CLSTN2: variants seen among roughly 807,000 people sequenced by gnomAD.
CLSTN2 encodes the protein calsyntenin 2, also known as calsyntenin-2.
CLSTN2 carries 48 observed loss-of-function variants against 101.2 expected under a neutral mutation model. The observed-to-expected ratio is 0.47, with a 90% CI of 0.38 to 0.60. CLSTN2 has a LOEUF of 0.60. Among genes scored for constraint, CLSTN2 ranks in the 20% least tolerant of loss-of-function variants. CLSTN2 has a pLI of 0.00. For missense variants in CLSTN2, 1,160 were observed against 1,238.2 expected (o/e 0.94, Z 0.95); for synonymous variants, 481 against 463.6 (o/e 1.04, Z -0.48).
intron 8 of CLSTN2, among the ~76,000 whole-genome samples, chr3:140,509,788 C>G (rs1409144969): frequency 2.0e-5 from 3 of 152,182 alleles, no homozygotes; most frequent in African/African-American, 7.2e-5. Context: ...ACACCGTCAG[C>G]TCTACCTCTG....
intron 2 of CLSTN2, among the ~76,000 whole-genome samples, chr3:140,306,201 T>C (rs1378955627): frequency 6.6e-6 from 1 of 152,184 alleles, no homozygotes; most frequent in Non-Finnish European, 1.5e-5. Flanking sequence ...CCACAGGCCT[T>C]CCACTGTGTT....
chr3:139,954,215 C>T (rs1280875060), intron 1 of CLSTN2, among the ~76,000 whole-genome samples: 1 of 152,172 alleles, frequency 6.6e-6, no homozygotes, highest in Non-Finnish European at 1.5e-5. Flanking sequence ...TCTACCTATA[C>T]AGTAAATCTA....
intron 1 of CLSTN2, among the ~76,000 whole-genome samples, chr3:140,031,683 T>C (rs1033402751): frequency 2.6e-5 from 4 of 152,156 alleles, no homozygotes. Context: ...ACAAGGATAG[T>C]GTATGTGAGT....
At chr3:139,971,050 A>G (rs935301903) in intron 1 of CLSTN2, among the ~76,000 whole-genome samples, 4 of 152,248 alleles carry the variant, frequency 2.6e-5, no homozygotes, top group African/African-American at 9.6e-5. Context: ...AGAATTATCA[A>G]ACTTTCTTCT....
chr3:140,306,367 C>T (rs947322847), intron 2 of CLSTN2, among the ~76,000 whole-genome samples: 5 of 152,050 alleles, frequency 3.3e-5, no homozygotes, highest in African/African-American at 1.2e-4. Context: ...TTCCTTCCCA[C>T]AGCATCGTAA....
intron 9 of CLSTN2, among the ~76,000 whole-genome samples, chr3:140,534,643 GA>G (rs1217849742): frequency 5.9e-5 from 9 of 152,318 alleles, no homozygotes; most frequent in Admixed American, 5.2e-4. Context: ...AAGAGGAAAA[GA>G]AAACATGGCA....
chr3:140,446,949 A>G (rs1933094971), intron 5 of CLSTN2, among the ~76,000 whole-genome samples: 1 of 152,130 alleles, frequency 6.6e-6, no homozygotes, highest in African/African-American at 2.4e-5. Context: ...TTTGTACTCC[A>G]AGCAGAGCCT....
chr3:140,017,103 G>A lies in CLSTN2; in HGVS notation c.109+81620G>A, dbSNP rs35838261. Among the ~76,000 whole-genome samples, 1,153 of 152,286 alleles carry A rather than the reference G, an allele frequency of 7.6e-3. 3 individuals are homozygous for A. Among genetic ancestry groups the A allele is most frequent in the Middle Eastern group, 0.024 (7 of 294 alleles). On this transcript the variant is annotated intron_variant, in intron 1 of 16. Coordinates refer to ENST00000458420, the MANE Select transcript of CLSTN2 (RefSeq NM_022131.3). ...GCTGTCTTTCAGTTACATGCCTGTGGTGTGTCCTGGTCCCATGTAGTTGTG... is the reference window on the plus strand; with the variant it reads ...GCTGTCTTTCAGTTACATGCCTGTGATGTGTCCTGGTCCCATGTAGTTGTG...
intron 1 of CLSTN2, among the ~76,000 whole-genome samples, chr3:139,954,609 G>T (rs1343650097): frequency 6.6e-6 from 1 of 152,044 alleles, no homozygotes. Flanking sequence ...CAAGTGTCTG[G>T]GGGAACATCT....
intron 1 of CLSTN2, among the ~76,000 whole-genome samples, chr3:140,094,128 G>A (rs544672532): frequency 3.9e-5 from 6 of 152,282 alleles, no homozygotes; most frequent in Middle Eastern, 3.4e-3. Context: ...TTCAACAGAC[G>A]TTAACCCTCA....
intron 1 of CLSTN2, among the ~76,000 whole-genome samples, chr3:140,163,528 G>C (rs2010085210): frequency 6.6e-6 from 1 of 151,744 alleles, no homozygotes; most frequent in South Asian, 2.1e-4. Flanking sequence ...AACCCTGACT[G>C]TTCATTCCCC....
chr3:140,192,910 A>T (rs1188350136), intron 2 of CLSTN2, among the ~76,000 whole-genome samples: 1 of 151,832 alleles, frequency 6.6e-6, no homozygotes, highest in Non-Finnish European at 1.5e-5. Context: ...TTAGAACTCT[A>T]TATTGATATA....
chr3:140,443,664 T>C (rs920992480), intron 5 of CLSTN2, among the ~76,000 whole-genome samples: 2 of 152,220 alleles, frequency 1.3e-5, no homozygotes, highest in African/African-American at 4.8e-5. Context: ...AGGCCCCTTA[T>C]AAACTGAAAA....
chr3:140,380,154 T>C (rs1006061629), intron 2 of CLSTN2, among the ~76,000 whole-genome samples: 1 of 152,238 alleles, frequency 6.6e-6, no homozygotes, highest in African/African-American at 2.4e-5. Context: ...ATCTGTAGAA[T>C]GGACCATTGA....
intron 2 of CLSTN2, among the ~76,000 whole-genome samples, chr3:140,367,577 T>C (rs2087806778): frequency 6.6e-6 from 1 of 151,916 alleles, no homozygotes; most frequent in South Asian, 2.1e-4. Context: ...ATTTGGAACT[T>C]GACTATTACA....
chr3:140,270,583 G>A (rs2086733193), intron 2 of CLSTN2, among the ~76,000 whole-genome samples: 1 of 152,160 alleles, frequency 6.6e-6, no homozygotes, highest in African/African-American at 2.4e-5. Context: ...GTAAGAACAT[G>A]AATCCTCTAT....
intron 4 of CLSTN2, among the ~76,000 whole-genome samples, chr3:140,413,597 A>G (rs997362294): frequency 4.6e-5 from 7 of 152,198 alleles, no homozygotes; most frequent in Non-Finnish European, 8.8e-5. Context: ...ACAGTTCAAG[A>G]AAAGAAAATT....
chr3:140,489,896 C>A (rs1219141567), intron 8 of CLSTN2, among the ~76,000 whole-genome samples: 1 of 150,186 alleles, frequency 6.7e-6, no homozygotes, highest in Non-Finnish European at 1.5e-5. Flanking sequence ...CATTCTTTTG[C>A]CAGAGAAATA....
intron 1 of CLSTN2, among the ~76,000 whole-genome samples, chr3:140,159,348 A>C (rs1468626019): frequency 6.6e-6 from 1 of 152,176 alleles, no homozygotes; most frequent in Non-Finnish European, 1.5e-5. Context: ...TCCCCATTAA[A>C]AAATAGACCA....
Sources: gnomAD v4.1 joint callset for allele counts (sites outside exome capture counted in the v4.1 genomes callset) on GRCh38, gnomAD v4.1.1 for gene constraint, MANE v1.5 for transcripts, NCBI Gene and HGNC (gene_info 2026-07-23, HGNC 2026-07-21) for gene names.